Variants in NDUFS6 observed in about 807,000 individuals in gnomAD.
NDUFS6 encodes NADH dehydrogenase [ubiquinone] iron-sulfur protein 6, mitochondrial.
In NDUFS6, 14 loss-of-function variants were observed where a neutral mutation model predicts 13.2. The ratio of observed to expected loss-of-function variants is 1.06; its 90% CI spans 0.70 to 1.66. The LOEUF is 1.66. Among genes scored for constraint, NDUFS6 ranks in the 40% most tolerant of loss-of-function variants. The probability of loss-of-function intolerance (pLI) is 0.00; values close to 1 mark genes in which losing one functional copy is unlikely to be tolerated. For synonymous variants in NDUFS6, 95 were observed against 72.3 expected (o/e 1.31, Z -1.60); for missense variants, 206 against 170.8 (o/e 1.21, Z -1.15).
intron 2 of NDUFS6, among the ~76,000 whole-genome samples, chr5:1,804,122 T>C (rs1734089638): frequency 6.6e-6 from 1 of 152,180 alleles, no homozygotes; most frequent in African/African-American, 2.4e-5. Context: ...ACATCCTTGC[T>C]TTGTGGGTGT....
At position 1,815,871 on chromosome 5, in the gene NDUFS6, C is replaced by A; in HGVS notation, c.330C>A (p.Gly110=). 6.2e-7 allele frequency: 1 copy of A among 1,614,246 alleles called. No homozygotes were observed. The highest frequency in any genetic ancestry group is 8.5e-7 in the Non-Finnish European group (1 of 1,180,052). The change falls in exon 4 of 4, where the codon GGC becomes GGA. Residue 110 remains glycine, a synonymous_variant. Transcript: ENST00000274137. Reference sequence around the variant, plus strand: ...TTCAGGACAAAGAAACAAAAACCGGCACATGCGGTTACTGTGGGCTCCAGT... The same window carrying A: ...TTCAGGACAAAGAAACAAAAACCGGAACATGCGGTTACTGTGGGCTCCAGT... The part of the protein sequence containing the change: ...YINLDKETKT[G]TCGYCGLQFR...
chr5:1,808,832 T>C (rs1441971455), intron 2 of NDUFS6, among the ~76,000 whole-genome samples: 1 of 152,266 alleles, frequency 6.6e-6, no homozygotes, highest in Non-Finnish European at 1.5e-5. Context: ...TAGACATGTA[T>C]ACACACGTTT....
chr5:1,803,462 G>A (rs1387423152), intron 2 of NDUFS6, among the ~76,000 whole-genome samples: 1 of 152,190 alleles, frequency 6.6e-6, no homozygotes, highest in Non-Finnish European at 1.5e-5. Flanking sequence ...CTTGTGTCTG[G>A]TGGGTTTGCC....
intron 2 of NDUFS6, among the ~76,000 whole-genome samples, chr5:1,805,743 T>C (rs1200157589): frequency 1.3e-5 from 2 of 152,212 alleles, no homozygotes; most frequent in Admixed American, 1.3e-4. Flanking sequence ...TGTCCCCTAA[T>C]AGAAGGGATG....
chr5:1,809,261 C>CG (rs1390522725), intron 2 of NDUFS6, among the ~76,000 whole-genome samples: 1 of 152,180 alleles, frequency 6.6e-6, no homozygotes, highest in Non-Finnish European at 1.5e-5. Context: ...AGATGGCGTG[C>CG]GGGCTGCTGT....
Position 1,801,510 on chromosome 5 carries a change from G to C in NDUFS6, c.93G>C (p.Arg31=). 1.3e-6 allele frequency: 2 copies of C among 1,599,568 alleles called. No homozygotes were observed. Among genetic ancestry groups the C allele is most frequent in the South Asian group, 2.2e-5 (2 of 90,492 alleles). Residue 31 remains arginine, a synonymous_variant, in exon 1 of 4, where the codon CGG becomes CGC. Coordinates refer to ENST00000274137, the MANE Select transcript of NDUFS6 (RefSeq NM_004553.6). ...TGGGCGCCAGGTGTTTCGGGGTGCG[G>C]GTCTCGCCGACCGGGGAGAAGGTCA... ...LPLGARCFGV[R]VSPTGEKVTH...
intron 1 of NDUFS6, chr5:1,802,076 C>A: frequency 1.9e-6 from 1 of 523,932 alleles, no homozygotes; most frequent in Non-Finnish European, 3.4e-6. Context: ...TGTCTCTCCT[C>A]CTTAGCTCCA....
At chr5:1,804,942 A>C (rs2111349818) in intron 2 of NDUFS6, among the ~76,000 whole-genome samples, 1 of 152,308 alleles carries the variant, frequency 6.6e-6, no homozygotes, top group Non-Finnish European at 1.5e-5. Context: ...CTGCCCTAAA[A>C]ATCCTCTGTG....
intron 1 of NDUFS6, 128 bp downstream of exon 1, chr5:1,801,677 T>A (rs1734045195): frequency 2.2e-6 from 3 of 1,377,762 alleles, no homozygotes; most frequent in African/African-American, 1.5e-5. Flanking sequence ...AAGGTTGTGC[T>A]GTCGCTCACG....
rs368760610 is a variant in NDUFS6 at position 1,804,944 on chromosome 5, T to C, written c.186+2570T>C. Among the ~76,000 whole-genome samples the C allele has an allele frequency of 2.2e-4, 33 of 152,318 alleles. No individual in the cohort carries two copies. The East Asian group carries it at 5.0e-3, about 23-fold the overall frequency. On this transcript the variant is annotated intron_variant, in intron 2 of 3. Coordinates refer to ENST00000274137, the MANE Select transcript of NDUFS6 (RefSeq NM_004553.6). The stretch of plus-strand genomic sequence containing the variant: ...TGTACCGAGTTCACTGCCCTAAAAA[T>C]CCTCTGTGCTCTGCCTGTTCATCCC...
At position 1,814,580 on chromosome 5, in the gene NDUFS6, CG is replaced by C; in HGVS notation, c.309+123del. ...CTACCTGCTCCCGAGGCGGCCCTTA[CG>C]GGGTTCACACTGCTGGCACATTCAC... On this transcript the variant is annotated intron_variant, in intron 3 of 3. Coordinates refer to ENST00000274137, the MANE Select transcript of NDUFS6 (RefSeq NM_004553.6). This position sits in a 1 kb window ranked among gnomAD's most constrained non-coding sequence, Gnocchi z 4.9. 6.8e-7 allele frequency: 1 copy of C among 1,476,900 alleles called. No homozygotes were observed. Among genetic ancestry groups the C allele is most frequent in the South Asian group, 1.2e-5 (1 of 84,510 alleles). 91.5% of individuals were successfully genotyped at this position (1,476,900 alleles called of 1,614,324 possible).
intron 2 of NDUFS6, among the ~76,000 whole-genome samples, chr5:1,803,651 TTCTC>T (rs1340765675): frequency 6.6e-6 from 1 of 152,262 alleles, no homozygotes; most frequent in Non-Finnish European, 1.5e-5. Context: ...TAAGTGCTCT[TTCTC>T]TCCATCCTCA....
rs1206717474 is a variant in NDUFS6, at chr5:1,801,478, C to G, written c.61C>G (p.Leu21Val). 1 of 1,603,620 alleles carries G rather than the reference C, an allele frequency of 6.2e-7. No homozygotes were observed. Among genetic ancestry groups the G allele is most frequent in the Admixed American group, 1.7e-5 (1 of 59,846 alleles). ...LNRCGEAARS[L>V]PLGARCFGVR... is the part of the protein sequence containing the mutation. ...CCGGTGTGGCGAGGCGGCGCGGAGC[C>G]TGCCCCTGGGCGCCAGGTGTTTCGG... The change falls in exon 1 of 4, where the codon CTG becomes GTG. Residue 21 changes from leucine (L) to valine (V), a missense_variant. Physicochemically the swap from Leu to Val is conservative, Grantham distance 32. Coordinates refer to ENST00000274137, the MANE Select transcript of NDUFS6 (RefSeq NM_004553.6).
chr5:1,804,043 A>G lies in NDUFS6; in HGVS notation c.186+1669A>G, dbSNP rs144179142. Among the ~76,000 whole-genome samples the G allele has an allele frequency of 1.8e-3, 267 of 152,284 alleles. 2 individuals carry two copies. The highest frequency in any genetic ancestry group is 6.3e-3 in the African/African-American group (261 of 41,566). On this transcript the variant is annotated intron_variant, in intron 2 of 3. Transcript: ENST00000274137. ...CGCAGGCCCTTTGGTTTCTTTTGGC[A>G]GTGACCGTGGTGACGGAGGTTTCCT...
Position 1,814,527 on chromosome 5 carries a change from C to T in NDUFS6, c.309+66C>T. 2 of 1,611,756 alleles carry T rather than the reference C, an allele frequency of 1.2e-6. No individual in the cohort carries two copies. The highest frequency in any genetic ancestry group is 1.7e-6 in the Non-Finnish European group (2 of 1,178,690). On this transcript the variant is annotated intron_variant, in intron 3 of 3. Transcript: ENST00000274137. This position sits in a 1 kb window ranked among gnomAD's most constrained non-coding sequence, Gnocchi z 4.9. The stretch of plus-strand genomic sequence containing the variant: ...CTCGTCCTCATACTCCCCTTCACTC[C>T]CAGTGCCTGTTCTTTCTGTCCTCTT...
chr5:1,814,389 G>A lies in NDUFS6; in HGVS notation c.237G>A (p.Glu79=), dbSNP rs2111362078. ...IDLIAEQPVS[E]VETRVIACDG... Reference sequence around the variant, plus strand: ...TGATAGCAGAGCAGCCCGTGAGCGAGGTGGAGACTCGGGTGATAGCGTGCG... The same window carrying A: ...TGATAGCAGAGCAGCCCGTGAGCGAAGTGGAGACTCGGGTGATAGCGTGCG... Residue 79 remains glutamate (E), a synonymous_variant, in exon 3 of 4, where the codon GAG becomes GAA. Coordinates refer to ENST00000274137, the MANE Select transcript of NDUFS6 (RefSeq NM_004553.6). The surrounding 1 kb of genome is among the most constrained non-coding windows in gnomAD (Gnocchi z 4.9). 1.9e-6 allele frequency: 3 copies of A among 1,614,208 alleles called. No homozygotes were observed. Among genetic ancestry groups the A allele is most frequent in the Non-Finnish European group, 2.5e-6 (3 of 1,180,038 alleles).
At chr5:1,810,645 C>T (rs1207377197) in intron 2 of NDUFS6, among the ~76,000 whole-genome samples, 4 of 152,188 alleles carry the variant, frequency 2.6e-5, no homozygotes, top group Non-Finnish European at 5.9e-5. Context: ...ATTCCCTTTT[C>T]CCATGTATCC....
In NDUFS6 at chr5:1,801,488, G is replaced by C. The variant is rs965872290; in HGVS notation, c.71G>C (p.Gly24Ala). The part of the protein sequence containing the change: ...CGEAARSLPL[G>A]ARCFGVRVSP... ...GAGGCGGCGCGGAGCCTGCCCCTGGGCGCCAGGTGTTTCGGGGTGCGGGTC... is the reference window on the plus strand; with the variant it reads ...GAGGCGGCGCGGAGCCTGCCCCTGGCCGCCAGGTGTTTCGGGGTGCGGGTC... Residue 24 changes from glycine (G) to alanine (A), a missense_variant, in exon 1 of 4, where the codon GGC (glycine) becomes GCC (alanine). Gly to Ala is a moderately conservative substitution (Grantham distance 60). Transcript: ENST00000274137. 6.2e-7 allele frequency: 1 copy of C among 1,602,912 alleles called. No individual in the cohort carries two copies.
Position 1,814,206 on chromosome 5 carries a change from A to G in NDUFS6, c.187-133A>G. On this transcript the variant is annotated intron_variant, in intron 2 of 3. Transcript: ENST00000274137. The surrounding 1 kb of genome is among the most constrained non-coding windows in gnomAD (Gnocchi z 4.9). ...AGGCCCTGAATTTAATAAGGTCTAC[A>G]ATGATAATAGTTAAATGAAGCATGC... The G allele has an allele frequency of 7.6e-7, 1 of 1,313,804 alleles. No homozygotes were observed. The allele number at this position is 1,313,804 out of a possible 1,614,324, so 81.4% of individuals were successfully genotyped here. A position where few individuals can be genotyped will look rare whatever the true frequency, so the allele number is the denominator to read the frequency against.
Sources: allele counts gnomAD v4.1 joint callset (sites outside exome capture counted in the v4.1 genomes callset), GRCh38; gene constraint gnomAD v4.1.1; non-coding constraint Gnocchi (gnomAD v3.1); transcripts MANE v1.5; gene names NCBI Gene and HGNC (gene_info 2026-07-23, HGNC 2026-07-21).